FBRS: variants seen among roughly 807,000 people sequenced by gnomAD.
FBRS encodes the protein probable fibrosin-1.
FBRS carries 15 observed loss-of-function variants against 86.1 expected under a neutral mutation model. That is an observed-to-expected ratio of 0.17 (90% CI 0.12 to 0.27). The LOEUF is 0.27. Ranked by LOEUF, FBRS falls within the 10% of genes least tolerant of loss-of-function variation. The pLI is 1.00. For missense variants in FBRS, 1,367 were observed against 1,301.6 expected (o/e 1.05, Z -0.77); for synonymous variants, 666 against 575.8 (o/e 1.16, Z -2.24).
In FBRS at chr16:30,664,727, T is replaced by G; in HGVS notation, c.1370T>G (p.Ile457Ser). The G allele has an allele frequency of 6.5e-7, 1 of 1,539,806 alleles. No individual in the cohort carries two copies. Among genetic ancestry groups the G allele is most frequent in the Non-Finnish European group, 8.8e-7 (1 of 1,140,098 alleles). ...TCCCCTCCCACAGAGCAGGACCTGATCGGCCAGGACCTGAACTCTCGCTAC... is the reference window on the plus strand; with the variant it reads ...TCCCCTCCCACAGAGCAGGACCTGAGCGGCCAGGACCTGAACTCTCGCTAC... ...AANALSEQDL[I>S]GQDLNSRYLN... is the part of the protein sequence containing the mutation. The change falls in exon 8 of 18, where the codon ATC becomes AGC. Residue 457 changes from isoleucine (I) to serine (S), a missense_variant. Physicochemically the swap from Ile to Ser is moderately radical, Grantham distance 142. Around this residue, in one of 3 missense-constraint regions of FBRS, gnomAD observed 702 missense variants for 598.7 expected, o/e 1.17. Coordinates refer to ENST00000356166, the MANE Select transcript of FBRS (RefSeq NM_001105079.3).
chr16:30,667,082 C>T (rs2052531700), intron 13 of FBRS, 92 bp downstream of exon 13: 8 of 1,319,044 alleles, frequency 6.1e-6, no homozygotes, highest in South Asian at 1.3e-5. Flanking sequence ...TCAGCAGAAT[C>T]TTGGCCAGAA....
chr16:30,659,869 C>T lies in FBRS; in HGVS notation c.351C>T (p.Gly117=), dbSNP rs1328020578. The change falls in exon 1 of 18, where the codon GGC becomes GGT. Residue 117 remains glycine, a synonymous_variant. Coordinates refer to ENST00000356166, the MANE Select transcript of FBRS (RefSeq NM_001105079.3). ...EEEEEEEEEG[G]ADDGEAEEEP... is the part of the protein sequence containing the mutation. Reference sequence around the variant, plus strand: ...AGGAGGAGGAGGAGGAGGAGGGGGGCGCAGACGACGGCGAAGCCGAGGAGG... The same window carrying T: ...AGGAGGAGGAGGAGGAGGAGGGGGGTGCAGACGACGGCGAAGCCGAGGAGG... 3.2e-6 allele frequency: 5 copies of T among 1,541,548 alleles called. No individual in the cohort carries two copies. The highest frequency in any genetic ancestry group is 2.5e-5 in the East Asian group (1 of 40,554).
chr16:30,668,777 G>A lies in FBRS; in HGVS notation c.2164G>A (p.Gly722Ser), dbSNP rs570030199. ...CTGCTTCACCCTCTGCCCAGACTCC[G>A]GCGCCGTCTTTGCCCAGAAAGAAAG... The part of the protein sequence containing the change: ...GGLGSPTFNS[G>S]AVFAQKESPG... The change falls in exon 17 of 18, where the codon GGC becomes AGC. Residue 722 changes from glycine (G) to serine (S), a missense_variant. Transcript: ENST00000356166. 58 of 1,600,360 alleles carry A rather than the reference G, an allele frequency of 3.6e-5. No homozygotes were observed. The highest frequency in any genetic ancestry group is 4.3e-5 in the Non-Finnish European group (51 of 1,178,382).
chr16:30,664,415 A>AC lies in FBRS; in HGVS notation c.1258dup (p.His420ProfsTer30). ...GGGCTGCGGCCCCCCCCACCACCCC[A>AC]CCACCCCTCCTTGTTCTCCCCTGGC... On this transcript the variant is annotated frameshift_variant, in exon 7 of 18. Transcript: ENST00000356166. LOFTEE classifies it high-confidence loss of function. 2.3e-6 allele frequency: 1 copy of AC among 430,178 alleles called. No individual in the cohort carries two copies. Among genetic ancestry groups the AC allele is most frequent in the Non-Finnish European group, 3.2e-6 (1 of 310,502 alleles). 26.6% of individuals were successfully genotyped at this position (430,178 alleles called of 1,614,324 possible).
chr16:30,670,219 G>A lies in FBRS; in HGVS notation c.*574G>A. ...TGTGTTCCTAGCCTCTGGCCTCTCT[G>A]TGGGGAAAGGGGACTGCAGGGGGAA... On this transcript the variant is annotated 3_prime_UTR_variant, in exon 18 of 18. Transcript: ENST00000356166. 2.2e-6 allele frequency: 1 copy of A among 457,882 alleles called. No homozygotes were observed. The highest frequency in any genetic ancestry group is 1.5e-5 in the South Asian group (1 of 64,560). The allele number at this position is 457,882 out of a possible 1,614,324, so 28.4% of individuals were successfully genotyped here.
chr16:30,659,690 T>G lies in FBRS; in HGVS notation c.172T>G (p.Ser58Ala). The G allele has an allele frequency of 1.1e-6, 1 of 877,930 alleles. No individual in the cohort carries two copies. The highest frequency in any genetic ancestry group is 1.7e-6 in the Non-Finnish European group (1 of 594,682). 54.4% of individuals were successfully genotyped at this position (877,930 alleles called of 1,614,324 possible). A position where few individuals can be genotyped will look rare whatever the true frequency, so the allele number is the denominator to read the frequency against. The stretch of plus-strand genomic sequence containing the variant: ...CGCCCCGCGCGGCTCCTCGTCCTCG[T>G]CGTCGCCGCCGCCGCCCGCCAGGCC... ...LAAPRGSSSS[S>A]SPPPPARPWS... The change falls in exon 1 of 18, where the codon TCG becomes GCG. Residue 58 changes from serine (S) to alanine (A), a missense_variant. Transcript: ENST00000356166.
chr16:30,668,706 G>C, intron 16 of FBRS, 63 bp downstream of exon 16: 2 of 1,585,502 alleles, frequency 1.3e-6, no homozygotes, highest in Non-Finnish European at 1.7e-6. Flanking sequence ...AGACGGTCTG[G>C]GAGGAGGCCT....
In FBRS at chr16:30,670,138, A is replaced by G. The variant is rs1255943354; in HGVS notation, c.*493A>G. ...CCCAAGACCTTTTGTACATTTTTAC[A>G]GGGGTGCCCCTCCCAACAGTTCCCT... On this transcript the variant is annotated 3_prime_UTR_variant, in exon 18 of 18. Coordinates refer to ENST00000356166, the MANE Select transcript of FBRS (RefSeq NM_001105079.3). The G allele has an allele frequency of 2.2e-6, 1 of 459,978 alleles. No homozygotes were observed. Among genetic ancestry groups the G allele is most frequent in the Middle Eastern group, 3.2e-4 (1 of 3,088 alleles). The allele number at this position is 459,978 out of a possible 1,614,324, so 28.5% of individuals were successfully genotyped here.
chr16:30,664,425 C>CCATG lies in FBRS; in HGVS notation c.1266_1267insCATG (p.Leu423HisfsTer28). On this transcript the variant is annotated frameshift_variant, in exon 7 of 18. Coordinates refer to ENST00000356166, the MANE Select transcript of FBRS (RefSeq NM_001105079.3). LOFTEE classifies it high-confidence loss of function. ...CCCCCCCACCACCCCACCACCCCTC[C>CCATG]TTGTTCTCCCCTGGCCCCACCCTGC... 7.1e-7 allele frequency: 1 copy of CCATG among 1,401,664 alleles called. No homozygotes were observed. Among genetic ancestry groups the CCATG allele is most frequent in the Non-Finnish European group, 9.5e-7 (1 of 1,054,486 alleles). The allele number at this position is 1,401,664 out of a possible 1,614,324, so 86.8% of individuals were successfully genotyped here.
Position 30,668,660 on chromosome 16 carries a change from T to TGGGGGGGG in FBRS, c.2158+21_2158+22insGGGGGGGG. The TGGGGGGGG allele has an allele frequency of 6.6e-7, 1 of 1,519,366 alleles. No individual in the cohort carries two copies. The highest frequency in any genetic ancestry group is 9.1e-7 in the Non-Finnish European group (1 of 1,100,036). 94.1% of individuals were successfully genotyped at this position (1,519,366 alleles called of 1,614,324 possible). A position where few individuals can be genotyped will look rare whatever the true frequency, so the allele number is the denominator to read the frequency against. ...CCACATTCAGTGAGTGCGGGTGCGG[T>TGGGGGGGG]GGGGTGGGGGGGCTGCGGCCACAGG... On this transcript the variant is annotated intron_variant, in intron 16 of 17. Coordinates refer to ENST00000356166, the MANE Select transcript of FBRS (RefSeq NM_001105079.3).
chr16:30,668,138 G>C lies in FBRS; in HGVS notation c.2075-422G>C, dbSNP rs1242106466. On this transcript the variant is annotated intron_variant, in intron 15 of 17. Transcript: ENST00000356166. ...TCGGGAAGGGCCCTGCATGTCAGGT[G>C]GGGGGAAGCCAACAAGGTCTTCAGG... is the stretch of plus-strand genomic sequence containing the variant. 14 of 204,222 alleles carry C rather than the reference G, an allele frequency of 6.9e-5. No individual in the cohort carries two copies. In the East Asian group the frequency reaches 1.1e-3, roughly 16 times the overall value. 12.7% of individuals were successfully genotyped at this position (204,222 alleles called of 1,614,324 possible).
In FBRS at chr16:30,659,692, G is replaced by T; in HGVS notation, c.174G>T (p.Ser58=). The part of the protein sequence containing the change: ...LAAPRGSSSS[S]SPPPPARPWS... Reference sequence around the variant, plus strand: ...CCCCGCGCGGCTCCTCGTCCTCGTCGTCGCCGCCGCCGCCCGCCAGGCCTT... The same window carrying T: ...CCCCGCGCGGCTCCTCGTCCTCGTCTTCGCCGCCGCCGCCCGCCAGGCCTT... Residue 58 remains serine, a synonymous_variant, in exon 1 of 18, where the codon TCG becomes TCT. Coordinates refer to ENST00000356166, the MANE Select transcript of FBRS (RefSeq NM_001105079.3). 2 of 911,298 alleles carry T rather than the reference G, an allele frequency of 2.2e-6. No individual in the cohort carries two copies. The highest frequency in any genetic ancestry group is 3.2e-6 in the Non-Finnish European group (2 of 625,538). 56.5% of individuals were successfully genotyped at this position (911,298 alleles called of 1,614,324 possible).
chr16:30,664,148 TCTGACCCCCTCCCGTCAGAG>T, intron 6 of FBRS, 47 bp from the exon 7 acceptor site: 1 of 1,304,410 alleles, frequency 7.7e-7, no homozygotes, highest in Non-Finnish European at 9.8e-7. Flanking sequence ...CACCCAGGCT[TCTGACCCCCTCCCGTCAGAG>T]CTGGCACCTC....
intron 2 of FBRS, 162 bp downstream of exon 2, chr16:30,660,604 C>G: frequency 3.4e-6 from 4 of 1,172,870 alleles, no homozygotes; most frequent in Non-Finnish European, 4.4e-6. Flanking sequence ...CTGACGAAGG[C>G]CTGTCTACAG....
At chr16:30,662,936 T>G in intron 6 of FBRS, 77 bp downstream of exon 6, 1 of 1,354,294 alleles carries the variant, frequency 7.4e-7, no homozygotes, top group Non-Finnish European at 9.5e-7. Flanking sequence ...ATGGTACCTG[T>G]GGGGTATGAC....
At position 30,665,294 on chromosome 16, in the gene FBRS, T is replaced by C; in HGVS notation, c.1609-12T>C. The C allele has an allele frequency of 6.4e-7, 1 of 1,557,772 alleles. No homozygotes were observed. Among genetic ancestry groups the C allele is most frequent in the Non-Finnish European group, 8.7e-7 (1 of 1,151,208 alleles). The stretch of plus-strand genomic sequence containing the variant: ...CCACCCCCACCTGTACTAGTCCCCC[T>C]TCTCTCCACAGCCGTACACGGCCTT... On this transcript the variant is annotated splice_polypyrimidine_tract_variant and intron_variant, in intron 9 of 17. Coordinates refer to ENST00000356166, the MANE Select transcript of FBRS (RefSeq NM_001105079.3). This position sits in a 1 kb window ranked among gnomAD's most constrained non-coding sequence, Gnocchi z 4.1.
In FBRS at chr16:30,664,794, C is replaced by A. The variant is rs780991110; in HGVS notation, c.1437C>A (p.Gly479=). ...QGGPEVVGAG[G]SARPLAFQFH... ...GCCCTGAGGTGGTGGGGGCAGGGGG[C>A]TCGGCCCGGCCCCTGGCCTTCCAGT... The change falls in exon 8 of 18, where the codon GGC becomes GGA. Residue 479 remains glycine (G), a synonymous_variant. Coordinates refer to ENST00000356166, the MANE Select transcript of FBRS (RefSeq NM_001105079.3). 7 of 1,554,130 alleles carry A rather than the reference C, an allele frequency of 4.5e-6. No homozygotes were observed. Among genetic ancestry groups the A allele is most frequent in the Non-Finnish European group, 5.2e-6 (6 of 1,148,494 alleles).
At chr16:30,663,403 C>T (rs991558627) in intron 6 of FBRS, among the ~76,000 whole-genome samples, 2 of 151,808 alleles carry the variant, frequency 1.3e-5, no homozygotes, top group African/African-American at 4.8e-5. Flanking sequence ...TCAGGTCTTA[C>T]GTGAGTAAAC....
rs933928903 is a variant in FBRS, at chr16:30,659,878, C to T, written c.360C>T (p.Asp120=). The T allele has an allele frequency of 1.3e-5, 20 of 1,545,448 alleles. No individual in the cohort carries two copies. The highest frequency in any genetic ancestry group is 5.9e-5 in the Admixed American group (3 of 50,856). The change falls in exon 1 of 18, where the codon GAC becomes GAT. Residue 120 remains aspartate, a synonymous_variant. Transcript: ENST00000356166. ...EEEEEEGGAD[D]GEAEEEPEEE... ...AGGAGGAGGAGGGGGGCGCAGACGA[C>T]GGCGAAGCCGAGGAGGAGCCTGAGG...
Sources: gnomAD v4.1 joint callset for allele counts (sites outside exome capture counted in the v4.1 genomes callset) on GRCh38, gnomAD v4.1.1 for gene constraint, gnomAD v4.1.1 regional missense constraint, Gnocchi (gnomAD v3.1) non-coding constraint, MANE v1.5 for transcripts, NCBI Gene and HGNC (gene_info 2026-07-23, HGNC 2026-07-21) for gene names.